CGAS: variants seen among roughly 807,000 people sequenced by gnomAD.
CGAS encodes 2'3'-cGAMP synthase.
In CGAS, 31 loss-of-function variants were observed where a neutral mutation model predicts 34.0. That is an observed-to-expected ratio of 0.91 (90% CI 0.69 to 1.23). The LOEUF is 1.23. CGAS is among the 50% of genes most tolerant of loss of function. The probability of loss-of-function intolerance (pLI) is 0.00; values close to 1 mark genes in which losing one functional copy is unlikely to be tolerated. For missense variants in CGAS, 597 were observed against 657.6 expected (o/e 0.91, Z 1.01); for synonymous variants, 266 against 260.0 (o/e 1.02, Z -0.22).
At position 73,425,269 on chromosome 6, in the gene CGAS, T is replaced by G. The variant is rs777006094; in HGVS notation, c.1527A>C (p.Glu509Asp). 14 of 1,594,146 alleles carry G rather than the reference T, an allele frequency of 8.8e-6. No homozygotes were observed. The highest frequency in any genetic ancestry group is 1.2e-5 in the Non-Finnish European group (14 of 1,173,034). ...RSKEFLTKQIEYERNNEFPVF... is the reference protein window; with the variant it reads ...RSKEFLTKQIDYERNNEFPVF... ...CTGGAAACTCATTGTTTCTTTCATA[T>G]TCAATTTGCTTTGTCAGAAATTCCT... is the stretch of plus-strand genomic sequence containing the variant. The change falls in exon 5 of 5, where the codon GAA becomes GAC. Residue 509 changes from glutamate to aspartate, a missense_variant. Glu to Asp is a conservative substitution (Grantham distance 45). Coordinates refer to ENST00000370315, the MANE Select transcript of CGAS (RefSeq NM_138441.3).
intron 3 of CGAS, among the ~76,000 whole-genome samples, chr6:73,434,602 T>A (rs1358633039): frequency 6.6e-6 from 1 of 152,044 alleles, no homozygotes; most frequent in East Asian, 1.9e-4. Flanking sequence ...AATGGGATCT[T>A]GGAACAGTAA....
intron 3 of CGAS, among the ~76,000 whole-genome samples, chr6:73,437,678 TAA>T (rs1265040585): frequency 2.0e-5 from 3 of 152,180 alleles, no homozygotes; most frequent in Admixed American, 2.0e-4. Flanking sequence ...AAACTGCAAG[TAA>T]ATCATAAACT....
intron 1 of CGAS, among the ~76,000 whole-genome samples, chr6:73,449,509 A>AC (rs1554239200): frequency 6.7e-5 from 8 of 119,488 alleles, no homozygotes; most frequent in Middle Eastern, 4.5e-3. Context: ...ACACACACAC[A>AC]AAGTGGTTCT....
In CGAS at chr6:73,451,398, C is replaced by G. The variant is rs181841303; in HGVS notation, c.657+127G>C. 5.2e-3 allele frequency: 5,878 copies of G among 1,123,822 alleles called. 23 individuals carry two copies. Among genetic ancestry groups the G allele is most frequent in the Non-Finnish European group, 5.8e-3 (4,661 of 806,060 alleles). 69.6% of individuals were successfully genotyped at this position (1,123,822 alleles called of 1,614,324 possible). On this transcript the variant is annotated intron_variant, in intron 1 of 4. Coordinates refer to ENST00000370315, the MANE Select transcript of CGAS (RefSeq NM_138441.3). ...TGTCGTTTTACTTAGACTAGGCTAC[C>G]GAAAAACATGCAAAAGTCTAAGTTA...
chr6:73,441,077 TTTTTC>T (rs1436434246), intron 2 of CGAS, among the ~76,000 whole-genome samples: 25 of 151,134 alleles, frequency 1.7e-4, no homozygotes, highest in African/African-American at 6.1e-4. Context: ...TTTCTTTTTC[TTTTTC>T]TTTTTTTTTT....
intron 2 of CGAS, among the ~76,000 whole-genome samples, chr6:73,440,798 AG>A (rs1223932832): frequency 1.3e-5 from 2 of 152,030 alleles, no homozygotes; most frequent in African/African-American, 4.8e-5. Context: ...GCTACTCGGG[AG>A]GCTGAGGCAT....
At chr6:73,449,972 G>C (rs918421303) in intron 1 of CGAS, among the ~76,000 whole-genome samples, 3 of 151,106 alleles carry the variant, frequency 2.0e-5, no homozygotes, top group African/African-American at 7.3e-5. Flanking sequence ...CTACAGCCTG[G>C]GCAACAAGAG....
intron 4 of CGAS, 137 bp downstream of exon 4, chr6:73,428,572 A>C (rs1582649081): frequency 2.9e-6 from 2 of 681,620 alleles, no homozygotes; most frequent in African/African-American, 1.8e-5. Context: ...TCATACTCAC[A>C]CTCTCCCCAG....
At position 73,424,529 on chromosome 6, in the gene CGAS, CT is replaced by C. The variant is rs1480481438; in HGVS notation, c.*697del. 6.6e-6 allele frequency: 1 copy of C among 151,418 alleles called. No homozygotes were observed. Among genetic ancestry groups the C allele is most frequent in the Non-Finnish European group, 1.5e-5 (1 of 67,894 alleles). The allele number at this position is 151,418 out of a possible 1,614,324, so 9.4% of individuals were successfully genotyped here. ...ATGAATTTAATTAAGGCAATATGTA[CT>C]TTATCTTTTTTTATTCCAACCTAAA... On this transcript the variant is annotated 3_prime_UTR_variant, in exon 5 of 5. Transcript: ENST00000370315.
In CGAS at chr6:73,451,715, C is replaced by T. The variant is rs755764815; in HGVS notation, c.467G>A (p.Arg156Lys). 22 of 1,613,482 alleles carry T rather than the reference C, an allele frequency of 1.4e-5. No homozygotes were observed. Among genetic ancestry groups the T allele is most frequent in the Non-Finnish European group, 1.7e-5 (20 of 1,179,968 alleles). ...LPVSAPILVR[R>K]DAAPGASKLR... The stretch of plus-strand genomic sequence containing the variant: ...CTTCGAGGCCCCAGGCGCCGCATCC[C>T]TCCGTACGAGAATGGGGGCCGAGAC... The change falls in exon 1 of 5, where the codon AGG becomes AAG. Residue 156 changes from arginine (R) to lysine (K), a missense_variant. Around this residue, in one of 3 missense-constraint regions of CGAS, gnomAD observed 321 missense variants for 314.3 expected, o/e 1.02. Transcript: ENST00000370315.
chr6:73,443,680 GATA>G (rs1165698095), intron 2 of CGAS, among the ~76,000 whole-genome samples: 1 of 152,156 alleles, frequency 6.6e-6, no homozygotes, highest in Non-Finnish European at 1.5e-5. Flanking sequence ...CAGTATACAA[GATA>G]ATCATTTTTT....
Position 73,452,276 on chromosome 6 carries a change from T to G in CGAS, c.-95A>C. 7.2e-7 allele frequency: 1 copy of G among 1,386,082 alleles called. No homozygotes were observed. Among genetic ancestry groups the G allele is most frequent in the Non-Finnish European group, 9.5e-7 (1 of 1,057,570 alleles). The allele number at this position is 1,386,082 out of a possible 1,614,324, so 85.9% of individuals were successfully genotyped here. A position where few individuals can be genotyped will look rare whatever the true frequency, so the allele number is the denominator to read the frequency against. ...GCAGCTGTTGGAAACCAAGCACTAC[T>G]GGCGGGCACACAAGAGTCTGCGACC... On this transcript the variant is annotated 5_prime_UTR_variant, in exon 1 of 5. Coordinates refer to ENST00000370315, the MANE Select transcript of CGAS (RefSeq NM_138441.3).
intron 3 of CGAS, among the ~76,000 whole-genome samples, chr6:73,437,539 A>G (rs1319649827): frequency 6.6e-6 from 1 of 152,080 alleles, no homozygotes; most frequent in East Asian, 1.9e-4. Flanking sequence ...CCTGGGCTCA[A>G]GCAATCCTCC....
At position 73,444,291 on chromosome 6, in the gene CGAS, TTTTAATTTAA is replaced by T. The variant is rs1181621688; in HGVS notation, c.877+1227_877+1236del. Among the ~76,000 whole-genome samples the T allele has an allele frequency of 5.0e-4, 75 of 150,180 alleles. 1 individual carries two copies. Among genetic ancestry groups the T allele is most frequent in the Admixed American group, 1.9e-3 (29 of 14,882 alleles). The stretch of plus-strand genomic sequence containing the variant: ...GTGTGAGCCACTGCGCCTGGCCAGA[TTTTAATTTAA>T]TTTAATTTAATTTTATTTTATTTTG... On this transcript the variant is annotated intron_variant, in intron 2 of 4. Coordinates refer to ENST00000370315, the MANE Select transcript of CGAS (RefSeq NM_138441.3).
chr6:73,432,533 C>G (rs1041484064), intron 3 of CGAS, among the ~76,000 whole-genome samples: 1 of 152,198 alleles, frequency 6.6e-6, no homozygotes, highest in Non-Finnish European at 1.5e-5. Flanking sequence ...TCTCGGCTCA[C>G]AGAAGCCTCA....
chr6:73,436,549 G>T (rs1173886261), intron 3 of CGAS, among the ~76,000 whole-genome samples: 1 of 101,030 alleles, frequency 9.9e-6, no homozygotes, highest in South Asian at 4.3e-4. Flanking sequence ...TTGAGACAGG[G>T]TCTCACTCTG....
In CGAS at chr6:73,425,168, C is replaced by A. The variant is rs1292098242; in HGVS notation, c.*59G>T. ...GCGTCTGGCCCCTTTTCAAATTTTT[C>A]TTGTATTCTCCAGGATTTAGGGTGA... On this transcript the variant is annotated 3_prime_UTR_variant, in exon 5 of 5. Transcript: ENST00000370315. The A allele has an allele frequency of 7.6e-7, 1 of 1,313,500 alleles. No homozygotes were observed. The highest frequency in any genetic ancestry group is 1.0e-6 in the Non-Finnish European group (1 of 969,558). The allele number at this position is 1,313,500 out of a possible 1,614,324, so 81.4% of individuals were successfully genotyped here.
intron 3 of CGAS, among the ~76,000 whole-genome samples, chr6:73,430,857 C>T (rs1017178594): frequency 3.3e-5 from 5 of 151,356 alleles, no homozygotes; most frequent in Admixed American, 3.3e-4. Flanking sequence ...ATCCCAGCAC[C>T]GTGGGAGGCC....
At chr6:73,443,543 C>G (rs1023390174) in intron 2 of CGAS, among the ~76,000 whole-genome samples, 1 of 151,978 alleles carries the variant, frequency 6.6e-6, no homozygotes, top group Non-Finnish European at 1.5e-5. Context: ...TGGCTCTTCC[C>G]AAACTCTAAT....
Sources: gnomAD v4.1 joint callset for allele counts (sites outside exome capture counted in the v4.1 genomes callset) on GRCh38, gnomAD v4.1.1 for gene constraint, gnomAD v4.1.1 regional missense constraint, MANE v1.5 for transcripts, NCBI Gene and HGNC (gene_info 2026-07-23, HGNC 2026-07-21) for gene names.